ZNF521: variants seen among roughly 807,000 people sequenced by gnomAD.
ZNF521 encodes zinc finger protein 521.
A neutral mutation model predicts 105.5 loss-of-function variants in ZNF521; 14 were observed. The observed-to-expected ratio is 0.13, with a 90% CI of 0.09 to 0.21. The LOEUF is 0.21. ZNF521 is among the 10% of genes least tolerant of loss of function. The pLI is 1.00. For missense variants in ZNF521, 1,233 were observed against 1,629.7 expected (o/e 0.76, Z 4.19); for synonymous variants, 635 against 606.0 (o/e 1.05, Z -0.70).
chr18:25,175,336 A>G (rs2035519338), intron 5 of ZNF521, among the ~76,000 whole-genome samples: 1 of 152,236 alleles, frequency 6.6e-6, no homozygotes, highest in South Asian at 2.1e-4. Flanking sequence ...GAGAATGAAG[A>G]TAAAACAGTA....
intron 2 of ZNF521, among the ~76,000 whole-genome samples, chr18:25,325,959 T>G (rs1322601018): frequency 6.6e-6 from 1 of 152,174 alleles, no homozygotes; most frequent in Non-Finnish European, 1.5e-5. Context: ...CTTGCTTTAA[T>G]AAAATTACAA....
intron 5 of ZNF521, among the ~76,000 whole-genome samples, chr18:25,112,246 G>A (rs1453508181): frequency 6.6e-6 from 1 of 152,170 alleles, no homozygotes; most frequent in Non-Finnish European, 1.5e-5. Flanking sequence ...TATCATCTCA[G>A]CTCATGTATG....
chr18:25,125,683 C>G (rs2034525763), intron 5 of ZNF521, among the ~76,000 whole-genome samples: 1 of 148,940 alleles, frequency 6.7e-6, no homozygotes, highest in Admixed American at 6.7e-5. Flanking sequence ...TGCACTTTCT[C>G]TAGGGAATTT....
chr18:25,192,435 C>T (rs1261016747), intron 5 of ZNF521, among the ~76,000 whole-genome samples: 2 of 152,160 alleles, frequency 1.3e-5, no homozygotes, highest in African/African-American at 2.4e-5. Flanking sequence ...AGATTGCACA[C>T]AAACATAGGT....
At position 25,281,934 on chromosome 18, in the gene ZNF521, GA is replaced by G. The variant is rs35913364; in HGVS notation, c.220+40073del. Among the ~76,000 whole-genome samples the G allele has an allele frequency of 2.7e-3, 402 of 147,460 alleles. 3 individuals carry two copies. Among genetic ancestry groups the G allele is most frequent in the South Asian group, 8.8e-3 (41 of 4,638 alleles). ...GAATCCTGCTGGCCTAAAACTGGCA[GA>G]AAAAAAAAAATCCTCTCATATTCTA... On this transcript the variant is annotated intron_variant, in intron 3 of 7. Coordinates refer to ENST00000361524, the MANE Select transcript of ZNF521 (RefSeq NM_015461.3).
chr18:25,209,889 C>T (rs2036148369), intron 4 of ZNF521, among the ~76,000 whole-genome samples: 1 of 152,100 alleles, frequency 6.6e-6, no homozygotes, highest in African/African-American at 2.4e-5. Context: ...ATTCTTTTTG[C>T]TCCCTGATTT....
chr18:25,199,313 T>C (rs938157994), intron 4 of ZNF521, among the ~76,000 whole-genome samples: 7 of 150,984 alleles, frequency 4.6e-5, no homozygotes, highest in South Asian at 2.1e-4. Flanking sequence ...AGTGAACAGA[T>C]GAAAGAGACT....
At chr18:25,091,917 C>T (rs12961763) in intron 6 of ZNF521, 33 bp downstream of exon 6, 6 of 1,609,946 alleles carry the variant, frequency 3.7e-6, no homozygotes, top group Non-Finnish European at 4.2e-6. Flanking sequence ...GGCCATCAGC[C>T]TCTCCTGTGT....
chr18:25,125,577 G>A (rs2034523305), intron 5 of ZNF521, among the ~76,000 whole-genome samples: 1 of 151,738 alleles, frequency 6.6e-6, no homozygotes, highest in South Asian at 2.1e-4. Flanking sequence ...GGGTTAGTAG[G>A]ATTGCATCAG....
intron 7 of ZNF521, among the ~76,000 whole-genome samples, chr18:25,080,721 C>T (rs1234166815): frequency 6.6e-6 from 1 of 152,156 alleles, no homozygotes; most frequent in African/African-American, 2.4e-5. Context: ...TCTTTCTTAC[C>T]CTAATTGTCA....
At chr18:25,097,941 G>C (rs184629427) in intron 5 of ZNF521, among the ~76,000 whole-genome samples, 6 of 152,192 alleles carry the variant, frequency 3.9e-5, no homozygotes, top group African/African-American at 1.4e-4. Context: ...TTCAACTGGG[G>C]TAGGCTGCAT....
chr18:25,149,199 C>T (rs944283111), intron 5 of ZNF521, among the ~76,000 whole-genome samples: 2 of 152,176 alleles, frequency 1.3e-5, no homozygotes, highest in African/African-American at 4.8e-5. Context: ...AGGAGGCAGA[C>T]CCTCCATGCG....
chr18:25,173,115 T>C (rs1567993921), intron 5 of ZNF521, among the ~76,000 whole-genome samples: 2 of 152,338 alleles, frequency 1.3e-5, no homozygotes, highest in South Asian at 2.1e-4. Context: ...GAATGATAAA[T>C]CTGAGTGCGT....
intron 2 of ZNF521, among the ~76,000 whole-genome samples, chr18:25,348,849 G>C (rs1247113068): frequency 1.3e-5 from 2 of 152,028 alleles, no homozygotes; most frequent in Non-Finnish European, 2.9e-5. Flanking sequence ...TATCAAACCT[G>C]CCCAGCGAAT....
intron 7 of ZNF521, 93 bp downstream of exon 7, chr18:25,089,372 T>G: frequency 1.1e-6 from 1 of 928,982 alleles, no homozygotes. Flanking sequence ...TGGCCCAGGG[T>G]GAGTGATACT....
chr18:25,309,776 T>A (rs1912193465), intron 3 of ZNF521, among the ~76,000 whole-genome samples: 1 of 152,108 alleles, frequency 6.6e-6, no homozygotes, highest in Non-Finnish European at 1.5e-5. Flanking sequence ...GGGGGAACAG[T>A]TTTATAAAAC....
chr18:25,064,777 T>A (rs949103166), intron 7 of ZNF521, among the ~76,000 whole-genome samples: 2 of 152,224 alleles, frequency 1.3e-5, no homozygotes, highest in African/African-American at 4.8e-5. Context: ...TGAAGAGGAC[T>A]TAGGTCTTCC....
intron 3 of ZNF521, among the ~76,000 whole-genome samples, chr18:25,264,441 G>A (rs887891205): frequency 1.3e-5 from 2 of 151,744 alleles, no homozygotes; most frequent in Admixed American, 6.6e-5. Flanking sequence ...TTTAATTCTT[G>A]TTTCACTGAA....
intron 5 of ZNF521, among the ~76,000 whole-genome samples, chr18:25,180,070 A>G (rs2035604794): frequency 6.6e-6 from 1 of 152,234 alleles, no homozygotes; most frequent in African/African-American, 2.4e-5. Context: ...ACAGACTTTT[A>G]GAGAAAGTTA....
Sources: gnomAD v4.1 joint callset for allele counts (sites outside exome capture counted in the v4.1 genomes callset) on GRCh38, gnomAD v4.1.1 for gene constraint, MANE v1.5 for transcripts, NCBI Gene and HGNC (gene_info 2026-07-23, HGNC 2026-07-21) for gene names.